Variants in JAK2 observed in about 807,000 individuals in gnomAD.
JAK2 encodes the protein Janus kinase 2.
In JAK2, 86 loss-of-function variants were observed where a neutral mutation model predicts 139.3. The observed-to-expected ratio is 0.62, with a 90% CI of 0.52 to 0.74. JAK2 has a LOEUF of 0.74. Among genes scored for constraint, JAK2 ranks in the 30% least tolerant of loss-of-function variants. The pLI is 0.00. For missense variants in JAK2, 1,421 were observed against 1,360.3 expected (o/e 1.04, Z -0.70); for synonymous variants, 490 against 437.7 (o/e 1.12, Z -1.49).
chr9:5,126,406 A>G lies in JAK2; in HGVS notation c.3251A>G (p.Asn1084Ser). 1.2e-6 allele frequency: 2 copies of G among 1,610,986 alleles called. No homozygotes were observed. Among genetic ancestry groups the G allele is most frequent in the Middle Eastern group, 3.3e-4 (2 of 6,054 alleles). Reference protein sequence around the residue: ...IVFHLIELLKNNGRLPRPDGC... With the variant: ...IVFHLIELLKSNGRLPRPDGC... ...TTCCATTTGATAGAACTTTTGAAGA[A>G]TAATGGAAGATTACCAAGACCAGAT... The change falls in exon 24 of 25, where the codon AAT becomes AGT. Residue 1084 changes from asparagine (N) to serine (S), a missense_variant. By Grantham distance (46) the Asn-to-Ser change is conservative. Transcript: ENST00000381652.
chr9:5,029,770 G>C lies in JAK2; in HGVS notation c.227-13G>C, dbSNP rs756548720. 6.3e-7 allele frequency: 1 copy of C among 1,597,536 alleles called. No homozygotes were observed. The highest frequency in any genetic ancestry group is 8.5e-7 in the Non-Finnish European group (1 of 1,172,428). On this transcript the variant is annotated splice_polypyrimidine_tract_variant and intron_variant, in intron 3 of 24. Coordinates refer to ENST00000381652, the MANE Select transcript of JAK2 (RefSeq NM_004972.4). ...TGTACCTTTAATAATTCCTTTCTCT[G>C]CTTCTTTTCTAGGTATCACACCTGT...
Position 5,128,974 on chromosome 9 carries a change from A to G in JAK2, c.*2183A>G, listed in dbSNP as rs1452977356. 6.6e-6 allele frequency among the ~76,000 whole-genome samples: 1 copy of G among 151,988 alleles called. No individual in the cohort carries two copies. The highest frequency in any genetic ancestry group is 1.5e-5 in the Non-Finnish European group (1 of 67,862). On this transcript the variant is annotated 3_prime_UTR_variant, in exon 25 of 25. Transcript: ENST00000381652. Reference sequence around the variant, plus strand: ...TATATAAATGACTTTTTCCATGGGTACTTGTTTGGAAAATAGTCACTTTTT... The same window carrying G: ...TATATAAATGACTTTTTCCATGGGTGCTTGTTTGGAAAATAGTCACTTTTT...
chr9:5,013,794 A>G (rs1226711625), intron 2 of JAK2, among the ~76,000 whole-genome samples: 2 of 152,134 alleles, frequency 1.3e-5, no homozygotes, highest in East Asian at 3.8e-4. Flanking sequence ...TTTATTTTGT[A>G]CTTAGATGAT....
intron 2 of JAK2, among the ~76,000 whole-genome samples, chr9:5,005,537 T>G (rs1297664891): frequency 6.6e-6 from 1 of 152,218 alleles, no homozygotes; most frequent in African/African-American, 2.4e-5. Flanking sequence ...TGTATTCTTT[T>G]AAAGTGTTAT....
chr9:5,115,609 C>G (rs112332164), intron 22 of JAK2, among the ~76,000 whole-genome samples: 149 of 152,284 alleles, frequency 9.8e-4, no homozygotes, highest in African/African-American at 3.3e-3. Flanking sequence ...GACACATGCA[C>G]ATGTATGTTT....
At chr9:4,996,623 C>G (rs1005351559) in intron 2 of JAK2, among the ~76,000 whole-genome samples, 8 of 151,598 alleles carry the variant, frequency 5.3e-5, no homozygotes, top group Admixed American at 1.3e-4. Context: ...TGCATCAGAT[C>G]TTCAGTTGTA....
chr9:5,078,321 A>G lies in JAK2; in HGVS notation c.2008A>G (p.Ile670Val), dbSNP rs771779649. The G allele has an allele frequency of 3.5e-5, 57 of 1,612,086 alleles. No homozygotes were observed. The highest frequency in any genetic ancestry group is 4.8e-5 in the Non-Finnish European group (56 of 1,178,656). ...ACTCTAATAGGAAGAAAACACCCTT[A>G]TTCATGGGAATGTATGTGCCAAAAA... ...AMHFLEENTL[I>V]HGNVCAKNIL... is the part of the protein sequence containing the mutation. Residue 670 changes from isoleucine (I) to valine (V), a missense_variant, in exon 16 of 25, where the codon ATT (isoleucine) becomes GTT (valine). Ile to Val is a conservative substitution (Grantham distance 29, BLOSUM62 3). Coordinates refer to ENST00000381652, the MANE Select transcript of JAK2 (RefSeq NM_004972.4).
intron 17 of JAK2, 41 bp downstream of exon 17, chr9:5,080,421 A>G (rs1441033265): frequency 6.4e-7 from 1 of 1,555,086 alleles, no homozygotes; most frequent in Admixed American, 2.0e-5. Flanking sequence ...TCTATCTCTG[A>G]ACTTTCATAT....
intron 22 of JAK2, among the ~76,000 whole-genome samples, chr9:5,102,495 C>T (rs749298027): frequency 7.9e-5 from 12 of 152,110 alleles, no homozygotes; most frequent in East Asian, 7.7e-4. Context: ...AGAACTTCCC[C>T]GACCTACCAA....
At chr9:5,122,349 C>T (rs980821110) in intron 22 of JAK2, among the ~76,000 whole-genome samples, 11 of 152,010 alleles carry the variant, frequency 7.2e-5, no homozygotes, top group Admixed American at 2.0e-4. Context: ...TTCTGTATTC[C>T]TTAGTCACCC....
In JAK2 at chr9:5,065,003, C is replaced by G. The variant is rs2230723; in HGVS notation, c.1177C>G (p.Leu393Val). The change falls in exon 9 of 25, where the codon CTT becomes GTT. Residue 393 changes from leucine to valine, a missense_variant. Transcript: ENST00000381652. ...TAAAGAAGTAGCACCTCCAGCCGTG[C>G]TTGAAAATATACAAAGCAACTGTCA... The part of the protein sequence containing the change: ...LCKEVAPPAV[L>V]ENIQSNCHGP... 6.5e-3 allele frequency: 10,394 copies of G among 1,605,824 alleles called. 83 individuals carry two copies. The highest frequency in any genetic ancestry group is 0.024 in the African/African-American group (1,817 of 74,676).
intron 2 of JAK2, among the ~76,000 whole-genome samples, chr9:5,010,381 TA>T (rs112538722): frequency 0.34 from 51,087 of 151,708 alleles, 9,300 homozygotes; most frequent in African/African-American, 0.48. Flanking sequence ...TGGAGTGCAG[TA>T]AACATGACCT....
rs753371864 is a variant in JAK2 at position 5,080,689 on chromosome 9, T to C, written c.2434+6T>C. ...TAACAGTTTGTTTACTCCAGGTATGTATTTGAATGATCTTATTGATTTTCC... is the reference window on the plus strand; with the variant it reads ...TAACAGTTTGTTTACTCCAGGTATGCATTTGAATGATCTTATTGATTTTCC... On this transcript the variant is annotated splice_donor_region_variant and intron_variant, in intron 18 of 24. Coordinates refer to ENST00000381652, the MANE Select transcript of JAK2 (RefSeq NM_004972.4). 6.5e-7 allele frequency: 1 copy of C among 1,545,762 alleles called. No homozygotes were observed. The highest frequency in any genetic ancestry group is 1.3e-5 in the South Asian group (1 of 78,042).
intron 5 of JAK2, among the ~76,000 whole-genome samples, chr9:5,046,844 A>G (rs530979102): frequency 1.3e-5 from 2 of 152,114 alleles, no homozygotes; most frequent in South Asian, 4.1e-4. Context: ...CGGGTATATT[A>G]TTTCACCTGT....
Position 4,993,005 on chromosome 9 carries a change from G to C in JAK2, c.-26+6983G>C, listed in dbSNP as rs147814054. ...TATAAATTGCTTTGTATTTGTAAGA[G>C]TAGCTTTCTGAGCTTGCTTCCTGCC... is the stretch of plus-strand genomic sequence containing the variant. On this transcript the variant is annotated intron_variant, in intron 2 of 24. Coordinates refer to ENST00000381652, the MANE Select transcript of JAK2 (RefSeq NM_004972.4). Among the ~76,000 whole-genome samples the C allele has an allele frequency of 2.6e-5, 4 of 152,266 alleles. No homozygotes were observed. The East Asian group carries it at 5.8e-4, about 22-fold the overall frequency.
At chr9:5,091,717 CTAG>C (rs1586774791) in intron 22 of JAK2, 1 of 152,032 alleles carries the variant, frequency 6.6e-6, no homozygotes, top group African/African-American at 2.4e-5. Flanking sequence ...CAAACTGGGT[CTAG>C]TAGAAGTGAA....
intron 4 of JAK2, among the ~76,000 whole-genome samples, chr9:5,035,704 T>C (rs577601503): frequency 6.6e-6 from 1 of 152,258 alleles, no homozygotes; most frequent in East Asian, 1.9e-4. Flanking sequence ...AAACTCTCAA[T>C]AAATTAGGTA....
Position 5,049,191 on chromosome 9 carries a change from A to G in JAK2, c.469-1495A>G, listed in dbSNP as rs1349054088. Among the ~76,000 whole-genome samples, 14 of 152,268 alleles carry G rather than the reference A, an allele frequency of 9.2e-5. No homozygotes were observed. The East Asian group carries it at 2.3e-3, about 25-fold the overall frequency. On this transcript the variant is annotated intron_variant, in intron 5 of 24. Transcript: ENST00000381652. ...CCAGCCTCTTAAAGAGCCTCCGTAA[A>G]TACACTTTATTTTCTTCAAGCACTT...
At chr9:5,101,998 C>T (rs1256089268) in intron 22 of JAK2, among the ~76,000 whole-genome samples, 1 of 152,170 alleles carries the variant, frequency 6.6e-6, no homozygotes, top group Non-Finnish European at 1.5e-5. Flanking sequence ...CTCTTCTCCT[C>T]CAAAGGATTG....
Sources: gnomAD v4.1 joint callset for allele counts (sites outside exome capture counted in the v4.1 genomes callset) on GRCh38, gnomAD v4.1.1 for gene constraint, MANE v1.5 for transcripts, NCBI Gene and HGNC (gene_info 2026-07-23, HGNC 2026-07-21) for gene names.